Variants in SLC6A8 observed in about 807,000 individuals in gnomAD.
The protein encoded by SLC6A8 is solute carrier family 6 member 8.
A neutral mutation model predicts 48.3 loss-of-function variants in SLC6A8; 6 were observed. That is an observed-to-expected ratio of 0.12 (90% CI 0.07 to 0.25). The LOEUF (loss-of-function observed/expected upper bound fraction) is 0.25, where lower values mean the gene tolerates loss of function less well. SLC6A8 is among the 10% of genes least tolerant of loss of function. The pLI, the probability that SLC6A8 is intolerant of heterozygous loss-of-function variation, is 1.00. For synonymous variants in SLC6A8, 245 were observed against 244.0 expected (o/e 1.00, Z -0.04); for missense variants, 260 against 551.5 (o/e 0.47, Z 5.29).
chrX:153,696,245 T>C lies in SLC6A8; in HGVS notation c.*1031T>C. ...GCCACAAGTCTGTGGGGCAAGAGGC[T>C]GCAATATTCCGTCCTGGGTGTCTGG... On this transcript the variant is annotated 3_prime_UTR_variant, in exon 13 of 13. Transcript: ENST00000253122. 3.5e-6 allele frequency: 1 copy of C among 284,228 alleles called. No individual in the cohort carries two copies. Among genetic ancestry groups the C allele is most frequent in the Non-Finnish European group, 6.9e-6 (1 of 144,790 alleles). 23.4% of individuals were successfully genotyped at this position (284,228 alleles called of 1,213,427 possible).
chrX:153,689,476 G>C, intron 1 of SLC6A8: 1 of 628,858 alleles, frequency 1.6e-6, no homozygotes, highest in Non-Finnish European at 1.9e-6. Flanking sequence ...CGTGTGTCCT[G>C]TGACTACAAA....
rs1458755240 is a variant in SLC6A8, at chrX:153,694,005, T to C, written c.1242T>C (p.Gly414=). The change falls in exon 8 of 13, where the codon GGT becomes GGC. Residue 414 remains glycine, a synonymous_variant. Transcript: ENST00000253122. ...TCTTCTTCATGCTGTTGCTGCTTGG[T>C]CTCGACAGCCAGGTTTGCATGGGGC... The part of the protein sequence containing the change: ...ALFFFMLLLL[G]LDSQFVGVEG... 3.4e-6 allele frequency: 4 copies of C among 1,177,700 alleles called. No homozygotes were observed. Among genetic ancestry groups the C allele is most frequent in the African/African-American group, 1.8e-5 (1 of 56,162 alleles).
chrX:153,691,398 T>G lies in SLC6A8; in HGVS notation c.489T>G (p.Phe163Leu). Residue 163 changes from phenylalanine (F) to leucine (L), a missense_variant, in exon 3 of 13, where the codon TTT (phenylalanine) becomes TTG (leucine). Around this residue, in one of 7 missense-constraint regions of SLC6A8, gnomAD observed 75 missense variants for 248.8 expected, o/e 0.30. Coordinates refer to ENST00000253122, the MANE Select transcript of SLC6A8 (RefSeq NM_005629.4). ...AWGFYYLVKS[F>L]TTTLPWATCG... ...GCTTCTATTACCTGGTCAAGTCCTT[T>G]ACCACCACGCTGCCCTGGGCCACAT... 3 of 1,209,671 alleles carry G rather than the reference T, an allele frequency of 2.5e-6. No individual in the cohort carries two copies. Among genetic ancestry groups the G allele is most frequent in the Non-Finnish European group, 3.4e-6 (3 of 893,440 alleles).
Position 153,691,047 on chromosome X carries a change from G to T in SLC6A8, c.395-257G>T, listed in dbSNP as rs782354488. ...TGAGGCTGGAGACTCCACAGCACTT[G>T]GTCAGATGGGGACAGGAGGAGAGGG... is the stretch of plus-strand genomic sequence containing the variant. On this transcript the variant is annotated intron_variant, in intron 2 of 12. Transcript: ENST00000253122. 8.0e-6 allele frequency: 3 copies of T among 377,164 alleles called. No individual in the cohort carries two copies. In the South Asian group the frequency reaches 1.0e-4, roughly 13 times the overall value. 31.1% of individuals were successfully genotyped at this position (377,164 alleles called of 1,213,427 possible).
At position 153,696,270 on chromosome X, in the gene SLC6A8, GGCT is replaced by G. The variant is rs782347855; in HGVS notation, c.*1060_*1062del. ...TGCAATATTCCGTCCTGGGTGTCTG[GGCT>G]GCTAACCTGGCCTGCTCAGGCTTCC... On this transcript the variant is annotated 3_prime_UTR_variant, in exon 13 of 13. Transcript: ENST00000253122. 1.6e-3 allele frequency: 478 copies of G among 298,473 alleles called. 4 individuals carry two copies. Among genetic ancestry groups the G allele is most frequent in the South Asian group, 0.014 (466 of 33,146 alleles). 24.6% of individuals were successfully genotyped at this position (298,473 alleles called of 1,213,427 possible).
In SLC6A8 at chrX:153,694,860, C is replaced by G. The variant is rs782317227; in HGVS notation, c.1738C>G (p.Leu580Val). 4 of 1,203,076 alleles carry G rather than the reference C, an allele frequency of 3.3e-6. No individual in the cohort carries two copies. Among genetic ancestry groups the G allele is most frequent in the South Asian group, 1.8e-5 (1 of 55,960 alleles). Reference protein sequence around the residue: ...LCVPLHLLGCLLRAKGTMAER... With the variant: ...LCVPLHLLGCVLRAKGTMAER... ...CGTGCCGCTGCACCTCCTGGGCTGC[C>G]TCCTCAGGGCCAAGGGCACCATGGC... The change falls in exon 12 of 13, where the codon CTC (leucine) becomes GTC (valine). Residue 580 changes from leucine to valine, a missense_variant. Around this residue, in one of 7 missense-constraint regions of SLC6A8, gnomAD observed 87 missense variants for 120.9 expected, o/e 0.72. Transcript: ENST00000253122.
rs1251543629 is a variant in SLC6A8 at position 153,688,082 on chromosome X, C to G, written c.-493C>G. The G allele has an allele frequency of 1.0e-5, 1 of 99,601 alleles. No homozygotes were observed. The highest frequency in any genetic ancestry group is 3.6e-5 in the African/African-American group (1 of 27,678). The allele number at this position is 99,601 out of a possible 1,213,427, so 8.2% of individuals were successfully genotyped here. A position where few individuals can be genotyped will look rare whatever the true frequency, so the allele number is the denominator to read the frequency against. On this transcript the variant is annotated 5_prime_UTR_variant, in exon 1 of 13. Coordinates refer to ENST00000253122, the MANE Select transcript of SLC6A8 (RefSeq NM_005629.4). ...CCGCCGCCACCACCGCCACCGGAGTCGCGGGCCAGCCGGGCAGCCTCCGCG... is the reference window on the plus strand; with the variant it reads ...CCGCCGCCACCACCGCCACCGGAGTGGCGGGCCAGCCGGGCAGCCTCCGCG...
At chrX:153,692,414 T>G in intron 4 of SLC6A8, 2 of 375,576 alleles carry the variant, frequency 5.3e-6, no homozygotes, top group Admixed American at 3.0e-5. Flanking sequence ...GTTACCTATC[T>G]TGCCTTGGGG....
intron 10 of SLC6A8, 35 bp from the exon 11 acceptor site, chrX:153,694,498 C>A: frequency 8.4e-7 from 1 of 1,193,815 alleles, no homozygotes; most frequent in Non-Finnish European, 1.1e-6. Flanking sequence ...GAAGGCAGGT[C>A]TCCAGCTTGG....
In SLC6A8 at chrX:153,696,349, C is replaced by T. The variant is rs2091492128; in HGVS notation, c.*1135C>T. 2.1e-5 allele frequency: 7 copies of T among 331,088 alleles called. No individual in the cohort carries two copies. Among genetic ancestry groups the T allele is most frequent in the South Asian group, 1.8e-4 (7 of 38,461 alleles). 27.3% of individuals were successfully genotyped at this position (331,088 alleles called of 1,213,427 possible). A position where few individuals can be genotyped will look rare whatever the true frequency, so the allele number is the denominator to read the frequency against. On this transcript the variant is annotated 3_prime_UTR_variant, in exon 13 of 13. Transcript: ENST00000253122. ...GAAGGGACCCTGGACACGGCTCCCA[C>T]GTCCAGGCTTAAGGTGGATGCACTT...
At position 153,695,363 on chromosome X, in the gene SLC6A8, A is replaced by C; in HGVS notation, c.*149A>C. The C allele has an allele frequency of 1.8e-6, 1 of 557,077 alleles. No homozygotes were observed. Among genetic ancestry groups the C allele is most frequent in the South Asian group, 2.9e-5 (1 of 35,032 alleles). 45.9% of individuals were successfully genotyped at this position (557,077 alleles called of 1,213,427 possible). A position where few individuals can be genotyped will look rare whatever the true frequency, so the allele number is the denominator to read the frequency against. On this transcript the variant is annotated 3_prime_UTR_variant, in exon 13 of 13. Transcript: ENST00000253122. Reference sequence around the variant, plus strand: ...GGAGAAAGCACCATGAGTGCTCACTAAAACAACTTTTTCCATTTTTAATAA... The same window carrying C: ...GGAGAAAGCACCATGAGTGCTCACTCAAACAACTTTTTCCATTTTTAATAA...
At chrX:153,690,807 G>A in intron 2 of SLC6A8, 1 of 320,289 alleles carries the variant, frequency 3.1e-6, no homozygotes, top group South Asian at 3.6e-5. Context: ...CCCCAAGGAC[G>A]CTGGGGCACA....
chrX:153,691,138 T>G lies in SLC6A8; in HGVS notation c.395-166T>G, dbSNP rs2091453976. ...GAGACAGGCTGGGGAGTCAGCGCAG[T>G]GTTGGGGCTCACACAAGGGGGAGCC... is the stretch of plus-strand genomic sequence containing the variant. On this transcript the variant is annotated intron_variant, in intron 2 of 12. Coordinates refer to ENST00000253122, the MANE Select transcript of SLC6A8 (RefSeq NM_005629.4). 3.7e-5 allele frequency: 20 copies of G among 541,679 alleles called. No homozygotes were observed. The South Asian group carries it at 4.9e-4, about 13-fold the overall frequency. 44.6% of individuals were successfully genotyped at this position (541,679 alleles called of 1,213,427 possible).
intron 4 of SLC6A8, 54 bp from the exon 5 acceptor site, chrX:153,692,987 G>T (rs782107021): frequency 2.5e-6 from 3 of 1,200,442 alleles, no homozygotes; most frequent in Non-Finnish European, 2.3e-6. Flanking sequence ...CGCTGGGAGT[G>T]GGGGTGTGAG....
rs782551106 is a variant in SLC6A8 at position 153,694,160 on chromosome X, C to T, written c.1285C>T (p.Leu429Phe). 8.3e-7 allele frequency: 1 copy of T among 1,210,351 alleles called. No homozygotes were observed. The highest frequency in any genetic ancestry group is 1.1e-6 in the Non-Finnish European group (1 of 894,353). The change falls in exon 9 of 13, where the codon CTC becomes TTC. Residue 429 changes from leucine (L) to phenylalanine (F), a missense_variant. Physicochemically the swap from Leu to Phe is conservative, Grantham distance 22 (BLOSUM62 0). This residue lies in a region of SLC6A8 where 75 missense variants were observed against 248.8 expected (regional missense o/e 0.30). Coordinates refer to ENST00000253122, the MANE Select transcript of SLC6A8 (RefSeq NM_005629.4). ...AGGTGTGGAGGGCTTCATCACCGGC[C>T]TCCTCGACCTCCTCCCGGCCTCCTA... ...FVGVEGFITG[L>F]LDLLPASYYF...
chrX:153,696,451 A>G lies in SLC6A8; in HGVS notation c.*1237A>G, dbSNP rs1464654051. The G allele has an allele frequency of 1.8e-5, 6 of 329,878 alleles. No individual in the cohort carries two copies. Among genetic ancestry groups the G allele is most frequent in the Non-Finnish European group, 2.9e-5 (5 of 169,672 alleles). 27.2% of individuals were successfully genotyped at this position (329,878 alleles called of 1,213,427 possible). A position where few individuals can be genotyped will look rare whatever the true frequency, so the allele number is the denominator to read the frequency against. ...CGTCCAGTCCCGAGACGGCTGAGTGACCCCAAGAAAGGCTTCCCCGACACC... is the reference window on the plus strand; with the variant it reads ...CGTCCAGTCCCGAGACGGCTGAGTGGCCCCAAGAAAGGCTTCCCCGACACC... On this transcript the variant is annotated 3_prime_UTR_variant, in exon 13 of 13. Coordinates refer to ENST00000253122, the MANE Select transcript of SLC6A8 (RefSeq NM_005629.4).
intron 2 of SLC6A8, 171 bp from the exon 3 acceptor site, chrX:153,691,133 C>T (rs782036350): frequency 3.6e-5 from 19 of 530,030 alleles, no homozygotes; most frequent in South Asian, 1.4e-4. Context: ...GGGGAGTCAG[C>T]GCAGTGTTGG....
chrX:153,694,668 C>A (rs368049655), intron 11 of SLC6A8, 35 bp downstream of exon 11: 3 of 995,206 alleles, frequency 3.0e-6, no homozygotes, highest in Non-Finnish European at 1.4e-6. Flanking sequence ...GGGCGGGGGG[C>A]GAGGCAGGGC....
intron 6 of SLC6A8, 30 bp from the exon 7 acceptor site, chrX:153,693,432 C>G (rs1557045115): frequency 8.3e-7 from 1 of 1,210,881 alleles, no homozygotes; most frequent in African/African-American, 1.7e-5. Context: ...AGCAGCCTAA[C>G]CCATCCACTC....
Sources: gnomAD v4.1 joint callset for allele counts on GRCh38, gnomAD v4.1.1 for gene constraint, gnomAD v4.1.1 regional missense constraint, MANE v1.5 for transcripts, NCBI Gene and HGNC (gene_info 2026-07-23, HGNC 2026-07-21) for gene names.